APOBEC3G: variants seen among roughly 807,000 people sequenced by gnomAD.
The protein encoded by APOBEC3G is DNA dC->dU-editing enzyme APOBEC-3G.
A neutral mutation model predicts 50.0 loss-of-function variants in APOBEC3G; 44 were observed. The observed-to-expected ratio is 0.88, with a 90% CI of 0.69 to 1.13. The LOEUF is 1.13. Among genes scored for constraint, APOBEC3G ranks in the 50% most tolerant of loss-of-function variants. The pLI, the probability that APOBEC3G is intolerant of heterozygous loss-of-function variation, is 0.00. For missense variants in APOBEC3G, 469 were observed against 492.0 expected (o/e 0.95, Z 0.44); for synonymous variants, 156 against 175.3 (o/e 0.89, Z 0.87).
At chr22:39,083,967 G>C in intron 5 of APOBEC3G, 83 bp downstream of exon 5, 1 of 1,507,290 alleles carries the variant, frequency 6.6e-7, no homozygotes, top group East Asian at 2.3e-5. Context: ...GGTGGTACCT[G>C]TGGTGTCCTG....
intron 3 of APOBEC3G, 102 bp downstream of exon 3, chr22:39,081,329 C>T: frequency 6.4e-7 from 1 of 1,553,458 alleles, no homozygotes; most frequent in Non-Finnish European, 8.7e-7. Context: ...CCTGCAAAGG[C>T]CAAGTGTCCC....
chr22:39,085,855 C>G (rs5757470), intron 5 of APOBEC3G, among the ~76,000 whole-genome samples: 99,906 of 151,952 alleles, frequency 0.66, 33,004 homozygotes, highest in East Asian at 0.75. Flanking sequence ...CCACTGCACT[C>G]CAGCCTGAGT....
intron 4 of APOBEC3G, 86 bp downstream of exon 4, chr22:39,081,671 T>G: frequency 8.8e-7 from 1 of 1,138,712 alleles, no homozygotes; most frequent in Non-Finnish European, 1.3e-6. Context: ...CCAGACCAGG[T>G]CCTCTCCTGG....
chr22:39,080,794 C>T (rs1408414651), intron 2 of APOBEC3G, 139 bp from the exon 3 acceptor site: 12 of 787,130 alleles, frequency 1.5e-5, no homozygotes, highest in Admixed American at 2.9e-5. Flanking sequence ...ACACTCAAAC[C>T]GAACAGGGGG....
At chr22:39,079,287 C>G in intron 2 of APOBEC3G, 1 of 642,172 alleles carries the variant, frequency 1.6e-6, no homozygotes, top group Non-Finnish European at 2.5e-6. Flanking sequence ...GCACAAAAGG[C>G]CTTGTGTTTC....
chr22:39,078,742 C>T lies in APOBEC3G; in HGVS notation c.18-190C>T, dbSNP rs1928282887. 2.0e-5 allele frequency: 13 copies of T among 647,872 alleles called. 1 individual carries two copies. Among genetic ancestry groups the T allele is most frequent in the Middle Eastern group, 4.3e-4 (1 of 2,310 alleles). 40.1% of individuals were successfully genotyped at this position (647,872 alleles called of 1,614,324 possible). A position where few individuals can be genotyped will look rare whatever the true frequency, so the allele number is the denominator to read the frequency against. The stretch of plus-strand genomic sequence containing the variant: ...TCTCTTTTTTTTTGAGACGGAATTT[C>T]GCTCTTGTCGCCCAGGCTGGAGTGT... On this transcript the variant is annotated intron_variant, in intron 1 of 7. Transcript: ENST00000407997.
intron 1 of APOBEC3G, 90 bp downstream of exon 1, chr22:39,077,468 C>A: frequency 1.9e-6 from 3 of 1,547,212 alleles, no homozygotes; most frequent in Non-Finnish European, 2.6e-6. Context: ...CTTCCCCTGC[C>A]CCAGCCCCAG....
chr22:39,086,274 T>G lies in APOBEC3G; in HGVS notation c.736-5T>G, dbSNP rs1338604833. On this transcript the variant is annotated splice_polypyrimidine_tract_variant and splice_region_variant and intron_variant, in intron 5 of 7. Transcript: ENST00000407997. Reference sequence around the variant, plus strand: ...GATTACCTCATGGCTTGCTTTCTTTTCTAGGCTCCACATAAACACGGTTTC... The same window carrying G: ...GATTACCTCATGGCTTGCTTTCTTTGCTAGGCTCCACATAAACACGGTTTC... 3 of 1,562,032 alleles carry G rather than the reference T, an allele frequency of 1.9e-6. No homozygotes were observed. Among genetic ancestry groups the G allele is most frequent in the Non-Finnish European group, 2.6e-6 (3 of 1,155,560 alleles).
At chr22:39,086,668 G>T in intron 6 of APOBEC3G, 101 bp downstream of exon 6, 2 of 1,458,452 alleles carry the variant, frequency 1.4e-6, no homozygotes, top group East Asian at 4.6e-5. Context: ...TGTGGGAAAG[G>T]CCTTGATCCT....
At chr22:39,087,188 C>G (rs28425624) in intron 7 of APOBEC3G, 62 bp downstream of exon 7, 4 of 1,610,186 alleles carry the variant, frequency 2.5e-6, no homozygotes, top group Admixed American at 3.3e-5. Context: ...CTCTCCCCTG[C>G]GCCGTGCCTT....
In APOBEC3G at chr22:39,081,517, AT is replaced by A. The variant is rs755278211; in HGVS notation, c.516del (p.Phe172LeufsTer64). On this transcript the variant is annotated frameshift_variant, in exon 4 of 8. Coordinates refer to ENST00000407997, the MANE Select transcript of APOBEC3G (RefSeq NM_021822.4). LOFTEE classifies it high-confidence loss of function. ...SKFVYSQREL[F>X]EPWNNLPKYY... ...AGTTCGTGTACAGCCAAAGAGAGCT[AT>A]TTGAGCCTTGGAATAATCTGCCTAA... The A allele has an allele frequency of 2.3e-4, 370 of 1,614,200 alleles. 4 individuals are homozygous for A. In the South Asian group the frequency reaches 3.9e-3, roughly 17 times the overall value.
chr22:39,086,467 C>T lies in APOBEC3G; in HGVS notation c.924C>T (p.Cys308=), dbSNP rs575305230. Reference sequence around the variant, plus strand: ...CAAAAAACAAACACGTGAGCCTGTGCATCTTCACTGCCCGCATCTATGATG... The same window carrying T: ...CAAAAAACAAACACGTGAGCCTGTGTATCTTCACTGCCCGCATCTATGATG... ...FISKNKHVSL[C]IFTARIYDDQ... is the part of the protein sequence containing the mutation. The change falls in exon 6 of 8, where the codon TGC becomes TGT. Residue 308 remains cysteine, a synonymous_variant. Transcript: ENST00000407997. 1.2e-6 allele frequency: 2 copies of T among 1,614,198 alleles called. No individual in the cohort carries two copies. The highest frequency in any genetic ancestry group is 2.7e-5 in the African/African-American group (2 of 75,054).
At chr22:39,085,556 C>T (rs1928655525) in intron 5 of APOBEC3G, among the ~76,000 whole-genome samples, 1 of 152,192 alleles carries the variant, frequency 6.6e-6, no homozygotes, top group Non-Finnish European at 1.5e-5. Context: ...TCAGAGAAAT[C>T]TCATCGTAAT....
In APOBEC3G at chr22:39,087,144, C is replaced by G; in HGVS notation, c.1140+18C>G. ...TTCTCCAGGTGAGGGCTTCTTCCCTCTGCCCAGTGCCCCATCGGCCTCCCC... is the reference window on the plus strand; with the variant it reads ...TTCTCCAGGTGAGGGCTTCTTCCCTGTGCCCAGTGCCCCATCGGCCTCCCC... On this transcript the variant is annotated intron_variant, in intron 7 of 7. Transcript: ENST00000407997. 1 of 1,614,028 alleles carries G rather than the reference C, an allele frequency of 6.2e-7. No homozygotes were observed. The highest frequency in any genetic ancestry group is 8.5e-7 in the Non-Finnish European group (1 of 1,179,948).
At chr22:39,080,409 T>C (rs1393105899) in intron 2 of APOBEC3G, 3 of 188,294 alleles carry the variant, frequency 1.6e-5, no homozygotes, top group Non-Finnish European at 3.0e-5. Flanking sequence ...CAGAAATGTA[T>C]GGGCTCGAGT....
chr22:39,080,751 ATTAATAC>A, intron 2 of APOBEC3G, 175 bp from the exon 3 acceptor site: 1 of 630,630 alleles, frequency 1.6e-6, no homozygotes, highest in East Asian at 2.8e-5. Context: ...TACCATAGCA[ATTAATAC>A]TGAACATGAG....
Position 39,087,092 on chromosome 22 carries a change from A to C in APOBEC3G, c.1106A>C (p.Gln369Pro). 6.2e-7 allele frequency: 1 copy of C among 1,613,968 alleles called. No individual in the cohort carries two copies. Among genetic ancestry groups the C allele is most frequent in the Non-Finnish European group, 8.5e-7 (1 of 1,180,004 alleles). Residue 369 changes from glutamine to proline, a missense_variant, in exon 7 of 8, where the codon CAA (glutamine) becomes CCA (proline). Gln to Pro is a moderately conservative substitution (Grantham distance 76). Transcript: ENST00000407997. ...TGGGATGGACTAGATGAGCACAGCCAAGACCTGAGTGGGAGGCTGCGGGCC... is the reference window on the plus strand; with the variant it reads ...TGGGATGGACTAGATGAGCACAGCCCAGACCTGAGTGGGAGGCTGCGGGCC... ...QPWDGLDEHS[Q>P]DLSGRLRAIL...
At chr22:39,078,729 TGAGACGGAA>T in intron 1 of APOBEC3G, 194 bp from the exon 2 acceptor site, 1 of 612,262 alleles carries the variant, frequency 1.6e-6, no homozygotes, top group Middle Eastern at 4.5e-4. Context: ...TCTTTTTTTT[TGAGACGGAA>T]TTTCGCTCTT....
upstream of APOBEC3G, chr22:39,077,077 G>C (rs557219357): frequency 5.2e-6 from 3 of 573,432 alleles, no homozygotes; most frequent in African/African-American, 5.6e-5. Flanking sequence ...CTTTCCCTTT[G>C]CAATTGCCTT....
Sources: gnomAD v4.1 joint callset for allele counts (sites outside exome capture counted in the v4.1 genomes callset) on GRCh38, gnomAD v4.1.1 for gene constraint, MANE v1.5 for transcripts, NCBI Gene and HGNC (gene_info 2026-07-23, HGNC 2026-07-21) for gene names.